Variants in BAG3 observed in about 807,000 individuals in gnomAD.
BAG3 encodes the protein BAG cochaperone 3, also known as BAG family molecular chaperone regulator 3.
A neutral mutation model predicts 40.5 loss-of-function variants in BAG3; 14 were observed. The ratio of observed to expected loss-of-function variants is 0.35; its 90% CI spans 0.23 to 0.54. BAG3 has a LOEUF of 0.54. BAG3 is among the 20% of genes least tolerant of loss of function. The pLI, the probability that BAG3 is intolerant of heterozygous loss-of-function variation, is 0.91. For missense variants in BAG3, 788 were observed against 758.6 expected, an observed-to-expected ratio of 1.04 and a Z score of -0.46; for synonymous variants, 302 against 307.8, an observed-to-expected ratio of 0.98 and a Z score of 0.20.
intron 1 of BAG3, among the ~76,000 whole-genome samples, chr10:119,654,953 T>C (rs1475894874): frequency 6.6e-6 from 1 of 152,218 alleles, no homozygotes; most frequent in African/African-American, 2.4e-5. Flanking sequence ...TGTGGCTGTG[T>C]CTCATCGCCT....
intron 1 of BAG3, among the ~76,000 whole-genome samples, chr10:119,664,723 A>G (rs1847035578): frequency 6.6e-6 from 1 of 152,236 alleles, no homozygotes; most frequent in Non-Finnish European, 1.5e-5. Context: ...AAGAGGCATT[A>G]TCTGGATGTG....
Position 119,672,495 on chromosome 10 carries a change from A to T in BAG3, c.748A>T (p.Ile250Phe), listed in dbSNP as rs1300461267. The change falls in exon 3 of 4, where the codon ATC (isoleucine) becomes TTC (phenylalanine). Residue 250 changes from isoleucine (I) to phenylalanine (F), a missense_variant. Transcript: ENST00000369085. This position sits in a 1 kb window ranked among gnomAD's most constrained non-coding sequence, Gnocchi z 4.8. ...YQTHQPVYHK[I>F]QGDDWEPRPL... ...GACCCACCAGCCTGTGTACCACAAG[A>T]TCCAGGGGGATGACTGGGAGCCCCG... The T allele has an allele frequency of 6.2e-7, 1 of 1,614,134 alleles. No homozygotes were observed. Among genetic ancestry groups the T allele is most frequent in the South Asian group, 1.1e-5 (1 of 91,086 alleles).
intron 1 of BAG3, among the ~76,000 whole-genome samples, chr10:119,665,136 A>ATTTTT (rs1430985995): frequency 3.0e-4 from 22 of 73,174 alleles, no homozygotes; most frequent in South Asian, 2.2e-3. Context: ...GTATATATAT[A>ATTTTT]TATATATATT....
chr10:119,676,667 TC>T lies in BAG3; in HGVS notation c.1115del (p.Pro372LeufsTer52). 1 of 1,614,134 alleles carries T rather than the reference TC, an allele frequency of 6.2e-7. No individual in the cohort carries two copies. Among genetic ancestry groups the T allele is most frequent in the Non-Finnish European group, 8.5e-7 (1 of 1,180,008 alleles). On this transcript the variant is annotated frameshift_variant, in exon 4 of 4. Transcript: ENST00000369085. LOFTEE classifies it high-confidence loss of function. The part of the protein sequence containing the change: ...VEVKVPPAPV[P>X]CPPPSPGPSA... ...AGGTGAAAGTTCCCCCTGCTCCAGT[TC>T]CTTGTCCTCCTCCCAGCCCTGGCCC...
chr10:119,669,776 C>A, intron 1 of BAG3, 75 bp from the exon 2 acceptor site: 1 of 1,439,802 alleles, frequency 6.9e-7, no homozygotes, highest in Non-Finnish European at 9.7e-7. Context: ...TGCCAAGCGC[C>A]ACAGTGTTTC....
At position 119,672,209 on chromosome 10, in the gene BAG3, G is replaced by T; in HGVS notation, c.508-46G>T. The T allele has an allele frequency of 1.9e-6, 3 of 1,608,220 alleles. No homozygotes were observed. The highest frequency in any genetic ancestry group is 2.5e-6 in the Non-Finnish European group (3 of 1,179,882). ...AGGCGTGGTCAGGATGCCAAGCCAG[G>T]GGAGTCATTTGTGGGGTCATGCCCT... On this transcript the variant is annotated intron_variant, in intron 2 of 3. Coordinates refer to ENST00000369085, the MANE Select transcript of BAG3 (RefSeq NM_004281.4). This position sits in a 1 kb window ranked among gnomAD's most constrained non-coding sequence, Gnocchi z 4.8.
chr10:119,662,057 T>G (rs920296675), intron 1 of BAG3, among the ~76,000 whole-genome samples: 3 of 152,162 alleles, frequency 2.0e-5, no homozygotes, highest in Non-Finnish European at 2.9e-5. Flanking sequence ...TTGTTTTGGT[T>G]GTTGTTTTAA....
intron 1 of BAG3, among the ~76,000 whole-genome samples, chr10:119,662,448 A>G (rs1847007204): frequency 6.6e-6 from 1 of 151,822 alleles, no homozygotes; most frequent in African/African-American, 2.4e-5. Context: ...ATTTTGATCC[A>G]GGCCTTAGCC....
chr10:119,655,251 C>T (rs1487373371), intron 1 of BAG3, among the ~76,000 whole-genome samples: 2 of 152,138 alleles, frequency 1.3e-5, no homozygotes, highest in African/African-American at 4.8e-5. Context: ...CGAGCCGAGA[C>T]AGCACCTTGC....
chr10:119,658,207 T>G (rs1193177327), intron 1 of BAG3, among the ~76,000 whole-genome samples: 1 of 152,264 alleles, frequency 6.6e-6, no homozygotes, highest in African/African-American at 2.4e-5. Flanking sequence ...ATGGATGGTT[T>G]AAAAATTCAT....
At position 119,651,631 on chromosome 10, in the gene BAG3, C is replaced by G; in HGVS notation, c.-45C>G. 1 of 1,476,320 alleles carries G rather than the reference C, an allele frequency of 6.8e-7. No individual in the cohort carries two copies. The highest frequency in any genetic ancestry group is 1.3e-5 in the South Asian group (1 of 74,766). The allele number at this position is 1,476,320 out of a possible 1,614,324, so 91.5% of individuals were successfully genotyped here. On this transcript the variant is annotated 5_prime_UTR_variant, in exon 1 of 4. Transcript: ENST00000369085. Reference sequence around the variant, plus strand: ...CCGGCCAGAGACTCGGCGCCCGGAGCCAGCGCCCCGCACCCGCGCCCCAGC... The same window carrying G: ...CCGGCCAGAGACTCGGCGCCCGGAGGCAGCGCCCCGCACCCGCGCCCCAGC...
chr10:119,668,165 T>C (rs1376509191), intron 1 of BAG3, among the ~76,000 whole-genome samples: 2 of 152,254 alleles, frequency 1.3e-5, no homozygotes, highest in Admixed American at 6.5e-5. Flanking sequence ...GTGACACCCA[T>C]GCCTTTCCTG....
At position 119,677,716 on chromosome 10, in the gene BAG3, T is replaced by C. The variant is rs965338468; in HGVS notation, c.*434T>C. On this transcript the variant is annotated 3_prime_UTR_variant, in exon 4 of 4. Transcript: ENST00000369085. ...ATCTCATAATTAAAATACCTGACTTTAGAGAGAGTAAAATGTGCCAGGAGC... is the reference window on the plus strand; with the variant it reads ...ATCTCATAATTAAAATACCTGACTTCAGAGAGAGTAAAATGTGCCAGGAGC... The C allele has an allele frequency of 2.3e-5, 5 of 214,286 alleles. No individual in the cohort carries two copies. Among genetic ancestry groups the C allele is most frequent in the East Asian group, 1.1e-4 (1 of 9,500 alleles). The allele number at this position is 214,286 out of a possible 1,614,324, so 13.3% of individuals were successfully genotyped here. A position where few individuals can be genotyped will look rare whatever the true frequency, so the allele number is the denominator to read the frequency against.
rs531782527 is a variant in BAG3 at position 119,670,266 on chromosome 10, G to A, written c.507+89G>A. ...CCATCCCCTCAGGACAGTGCCCTGG[G>A]CCAGGCACCTGTTCACATGCAGGGC... On this transcript the variant is annotated intron_variant, in intron 2 of 3. Transcript: ENST00000369085. 1,119 of 1,395,704 alleles carry A rather than the reference G, an allele frequency of 8.0e-4. 1 individual carries two copies. Among genetic ancestry groups the A allele is most frequent in the Non-Finnish European group, 1.0e-3 (1,074 of 1,050,192 alleles). The allele number at this position is 1,395,704 out of a possible 1,614,324, so 86.5% of individuals were successfully genotyped here.
At position 119,672,684 on chromosome 10, in the gene BAG3, G is replaced by T; in HGVS notation, c.909+28G>T. On this transcript the variant is annotated intron_variant, in intron 3 of 3. Coordinates refer to ENST00000369085, the MANE Select transcript of BAG3 (RefSeq NM_004281.4). The surrounding 1 kb of genome is among the most constrained non-coding windows in gnomAD (Gnocchi z 4.8). ...ACGGGAAGTTAGTCGTCAGCAGACT[G>T]GTTATGGTGGTATGTCTCCAGGGGT... 1 of 1,608,222 alleles carries T rather than the reference G, an allele frequency of 6.2e-7. No homozygotes were observed. The highest frequency in any genetic ancestry group is 1.7e-5 in the Admixed American group (1 of 60,024).
intron 1 of BAG3, among the ~76,000 whole-genome samples, chr10:119,660,282 G>A (rs957032116): frequency 2.6e-5 from 4 of 152,246 alleles, no homozygotes; most frequent in Admixed American, 2.0e-4. Context: ...CACAGTCAGT[G>A]CGGCTGGGCG....
intron 3 of BAG3, among the ~76,000 whole-genome samples, chr10:119,674,651 T>A (rs1360285277): frequency 6.6e-6 from 1 of 152,168 alleles, no homozygotes; most frequent in Non-Finnish European, 1.5e-5. Context: ...TGTTAGATAT[T>A]CACTTACATG....
chr10:119,659,726 T>G (rs897741394), intron 1 of BAG3, among the ~76,000 whole-genome samples: 2 of 152,206 alleles, frequency 1.3e-5, no homozygotes, highest in Non-Finnish European at 2.9e-5. Context: ...TAACAGGCAC[T>G]TGTAGGGTCG....
Position 119,651,814 on chromosome 10 carries a change from A to G in BAG3, c.139A>G (p.Thr47Ala). ...CTTCGTGGACCACAACAGCCGCACC[A>G]CTACGTGGAACGACCCGCGCGTGCC... ...PFFVDHNSRT[T>A]TWNDPRVPSE... The change falls in exon 1 of 4, where the codon ACT becomes GCT. Residue 47 changes from threonine to alanine, a missense_variant. Transcript: ENST00000369085. The G allele has an allele frequency of 3.1e-6, 5 of 1,593,836 alleles. No individual in the cohort carries two copies. Among genetic ancestry groups the G allele is most frequent in the Non-Finnish European group, 4.3e-6 (5 of 1,171,050 alleles).
Sources: allele counts gnomAD v4.1 joint callset (sites outside exome capture counted in the v4.1 genomes callset), GRCh38; gene constraint gnomAD v4.1.1; non-coding constraint Gnocchi (gnomAD v3.1); transcripts MANE v1.5; gene names NCBI Gene and HGNC (gene_info 2026-07-23, HGNC 2026-07-21).